EYS: variants seen among roughly 807,000 people sequenced by gnomAD.
EYS encodes EGF-like photoreceptor maintenance factor.
Under a neutral mutation model 282.1 loss-of-function variants are expected in EYS, and 250 were observed. The observed-to-expected ratio is 0.89, with a 90% CI of 0.80 to 0.98. The LOEUF is 0.98. Among genes scored for constraint, EYS ranks in the 50% least tolerant of loss-of-function variants. The pLI is 0.00. For synonymous variants in EYS, 1,355 were observed against 1,282.9 expected, an observed-to-expected ratio of 1.06 and a Z score of -1.20; for missense variants, 4,016 against 3,709.0, an observed-to-expected ratio of 1.08 and a Z score of -2.15.
chr6:64,448,212 C>T (rs530507670), intron 26 of EYS, among the ~76,000 whole-genome samples: 76 of 152,350 alleles, frequency 5.0e-4, no homozygotes, highest in Admixed American at 1.9e-3. Flanking sequence ...AGATTATATC[C>T]CGCAGGTGGC....
chr6:63,847,645 T>G (rs1168507719), intron 36 of EYS, among the ~76,000 whole-genome samples: 1 of 152,210 alleles, frequency 6.6e-6, no homozygotes, highest in African/African-American at 2.4e-5. Context: ...CAGACTAATG[T>G]TTTTCTTTAA....
intron 2 of EYS, among the ~76,000 whole-genome samples, chr6:65,635,407 C>A (rs563288340): frequency 6.6e-6 from 1 of 152,238 alleles, no homozygotes; most frequent in African/African-American, 2.4e-5. Flanking sequence ...CCCCATCTTG[C>A]CTTTCCCTTC....
At chr6:65,326,855 T>C (rs898606522) in intron 11 of EYS, among the ~76,000 whole-genome samples, 1 of 151,668 alleles carries the variant, frequency 6.6e-6, no homozygotes, top group African/African-American at 2.4e-5. Context: ...ACGACATTTA[T>C]TTCTTATTGG....
chr6:64,213,165 C>G (rs971875061), intron 31 of EYS, among the ~76,000 whole-genome samples: 3 of 151,998 alleles, frequency 2.0e-5, no homozygotes, highest in African/African-American at 7.2e-5. Context: ...TACAACAAAC[C>G]CTCATGACGC....
intron 22 of EYS, among the ~76,000 whole-genome samples, chr6:64,776,750 A>C (rs565138116): frequency 1.8e-4 from 28 of 152,226 alleles, no homozygotes; most frequent in Non-Finnish European, 3.8e-4. Flanking sequence ...CACTTGCCAC[A>C]CTGTCCAGTT....
chr6:63,781,325 T>C (rs1393424756), intron 39 of EYS, among the ~76,000 whole-genome samples: 2 of 152,230 alleles, frequency 1.3e-5, no homozygotes, highest in Non-Finnish European at 2.9e-5. Context: ...ATTAAATCTA[T>C]AAATTACCTT....
intron 30 of EYS, among the ~76,000 whole-genome samples, chr6:64,257,304 G>A (rs115782849): frequency 0.037 from 5,572 of 152,022 alleles, 247 homozygotes; most frequent in African/African-American, 0.1. Context: ...ATTCTCTGAG[G>A]ACTTTTAAAT....
intron 36 of EYS, among the ~76,000 whole-genome samples, chr6:63,826,845 C>CAAAAAAAAAAAAAAAAAAGAAAAAAAAA (rs1771475758): frequency 3.9e-5 from 3 of 76,762 alleles, no homozygotes; most frequent in Non-Finnish European, 7.5e-5. Flanking sequence ...AGTTAAAAAG[C>CAAAAAAAAAAAAAAAAAAGAAAAAAAAA]AAAAAAAAAA....
intron 29 of EYS, among the ~76,000 whole-genome samples, chr6:64,310,178 T>C (rs1317627278): frequency 6.6e-6 from 1 of 151,962 alleles, no homozygotes; most frequent in Non-Finnish European, 1.5e-5. Context: ...AATGTAGCAA[T>C]TCCTCAAAGC....
chr6:64,689,626 G>A (rs4466235), intron 22 of EYS, among the ~76,000 whole-genome samples: 4,342 of 152,124 alleles, frequency 0.029, 129 homozygotes, highest in East Asian at 0.14. Context: ...TACCAAAACA[G>A]AGATATAGGG....
intron 22 of EYS, among the ~76,000 whole-genome samples, chr6:64,686,330 T>A (rs551814198): frequency 6.6e-6 from 1 of 152,124 alleles, no homozygotes; most frequent in South Asian, 2.1e-4. Context: ...ATAAAAATGT[T>A]GATTTTTTGA....
At chr6:64,993,403 A>G (rs1771140047) in intron 14 of EYS, among the ~76,000 whole-genome samples, 1 of 151,868 alleles carries the variant, frequency 6.6e-6, no homozygotes, top group African/African-American at 2.4e-5. Flanking sequence ...AGCCATAAAA[A>G]ATGATGAGTT....
chr6:64,920,156 AT>A (rs1293745370), intron 15 of EYS, among the ~76,000 whole-genome samples: 1 of 151,918 alleles, frequency 6.6e-6, no homozygotes, highest in African/African-American at 2.4e-5. Context: ...CAGAATTTAG[AT>A]TTTTTTGTAA....
intron 2 of EYS, among the ~76,000 whole-genome samples, chr6:65,633,597 TA>T (rs1191940684): frequency 1.3e-5 from 2 of 152,200 alleles, no homozygotes; most frequent in Non-Finnish European, 2.9e-5. Context: ...AGCTGTCCAT[TA>T]TTCAGTGCTT....
intron 32 of EYS, among the ~76,000 whole-genome samples, chr6:64,071,183 G>A (rs926984079): frequency 1.3e-5 from 2 of 151,994 alleles, no homozygotes; most frequent in African/African-American, 4.8e-5. Context: ...CTCAAAGAAT[G>A]GTTCAGAGAA....
chr6:65,194,435 T>C (rs1243976063), intron 12 of EYS, among the ~76,000 whole-genome samples: 2 of 151,930 alleles, frequency 1.3e-5, no homozygotes, highest in Non-Finnish European at 2.9e-5. Flanking sequence ...AAAATACTAA[T>C]GTATTATTTA....
chr6:63,817,557 C>T (rs1265469957), intron 36 of EYS, among the ~76,000 whole-genome samples: 1 of 152,120 alleles, frequency 6.6e-6, no homozygotes, highest in Non-Finnish European at 1.5e-5. Flanking sequence ...TCTCCTGTCT[C>T]CTGACAGGAC....
chr6:65,649,418 C>G (rs1429273412), intron 1 of EYS, among the ~76,000 whole-genome samples: 4 of 151,958 alleles, frequency 2.6e-5, no homozygotes, highest in African/African-American at 9.7e-5. Context: ...TTTGTAATAA[C>G]TGAAACTAAA....
At chr6:65,404,196 C>T (rs1458409807) in intron 6 of EYS, among the ~76,000 whole-genome samples, 2 of 152,096 alleles carry the variant, frequency 1.3e-5, no homozygotes, top group Admixed American at 6.6e-5. Context: ...CTCATTACAT[C>T]ATCAAATCCC....
Sources: gnomAD v4.1 joint callset for allele counts (sites outside exome capture counted in the v4.1 genomes callset) on GRCh38, gnomAD v4.1.1 for gene constraint, MANE v1.5 for transcripts, NCBI Gene and HGNC (gene_info 2026-07-23, HGNC 2026-07-21) for gene names.